The following DLG1 variants were observed in gnomAD, a reference collection of about 807,000 sequenced individuals.
The protein encoded by DLG1 is discs large MAGUK scaffold protein 1, also known as disks large homolog 1.
DLG1 carries 42 observed loss-of-function variants against 123.4 expected under a neutral mutation model. The observed-to-expected ratio is 0.34, with a 90% CI of 0.27 to 0.44. DLG1 has a LOEUF of 0.44. DLG1 is among the 20% of genes least tolerant of loss of function. The pLI is 1.00. For missense variants in DLG1, 942 were observed against 1,082.6 expected, an observed-to-expected ratio of 0.87 and a Z score of 1.82; for synonymous variants, 317 against 356.2, an observed-to-expected ratio of 0.89 and a Z score of 1.24.
chr3:197,147,585 A>G (rs760389139), intron 6 of DLG1, among the ~76,000 whole-genome samples: 4 of 152,148 alleles, frequency 2.6e-5, no homozygotes, highest in African/African-American at 4.8e-5. Flanking sequence ...AAAACCAAAC[A>G]CAGTATGTTC....
chr3:197,159,298 GA>G, intron 5 of DLG1, among the ~76,000 whole-genome samples: 1 of 152,284 alleles, frequency 6.6e-6, no homozygotes, highest in South Asian at 2.1e-4. Context: ...AAAGTACTCT[GA>G]AAAGTATAAA....
At position 197,159,232 on chromosome 3, in the gene DLG1, G is replaced by A. The variant is rs528900036; in HGVS notation, c.484-9436C>T. 1.4e-3 allele frequency among the ~76,000 whole-genome samples: 209 copies of A among 152,240 alleles called. 2 individuals are homozygous for A. In the Middle Eastern group the frequency reaches 0.068, roughly 50 times the overall value. On this transcript the variant is annotated intron_variant, in intron 5 of 24. Coordinates refer to ENST00000667157, the MANE Select transcript of DLG1 (RefSeq NM_001366207.1). ...TTATCTGTGCCACTCTGTATAATAA[G>A]CATAATTCTGATTTGTAGAAGACTT... is the stretch of plus-strand genomic sequence containing the variant.
At chr3:197,136,037 C>G (rs1334335090) in intron 10 of DLG1, among the ~76,000 whole-genome samples, 1 of 151,988 alleles carries the variant, frequency 6.6e-6, no homozygotes, top group Non-Finnish European at 1.5e-5. Context: ...GTCTTAAACT[C>G]CTGGGCTCAA....
chr3:197,245,083 T>A (rs1048704717), intron 4 of DLG1, among the ~76,000 whole-genome samples: 1 of 152,198 alleles, frequency 6.6e-6, no homozygotes, highest in Non-Finnish European at 1.5e-5. Context: ...ATCGAGTTTT[T>A]AAAACTAATT....
At chr3:197,052,179 A>G (rs67214831) in intron 23 of DLG1, among the ~76,000 whole-genome samples, 50,913 of 151,758 alleles carry the variant, frequency 0.34, 10,052 homozygotes, top group East Asian at 0.72. Context: ...AATAGGCTGG[A>G]CATGGTGGCT....
In DLG1 at chr3:197,066,828, A is replaced by G. The variant is rs1047894480; in HGVS notation, c.2048-74T>C. 1.3e-4 allele frequency: 133 copies of G among 997,322 alleles called. 2 individuals are homozygous for G. The Admixed American group carries it at 1.9e-3, about 14-fold the overall frequency. 61.8% of individuals were successfully genotyped at this position (997,322 alleles called of 1,614,324 possible). ...GCTAATCTAATTCTTCATAAACAAC[A>G]TATACATTACTAGAACTTTCCTGAG... On this transcript the variant is annotated intron_variant, in intron 19 of 24. Transcript: ENST00000667157.
chr3:197,214,188 T>TAAAA (rs756112689), intron 4 of DLG1, among the ~76,000 whole-genome samples: 10 of 150,930 alleles, frequency 6.6e-5, no homozygotes, highest in African/African-American at 2.4e-4. Context: ...TGGCATAACT[T>TAAAA]AAAAAAAAAT....
intron 4 of DLG1, among the ~76,000 whole-genome samples, chr3:197,267,724 G>A (rs1471766579): frequency 6.6e-6 from 1 of 152,072 alleles, no homozygotes; most frequent in African/African-American, 2.4e-5. Flanking sequence ...GATGCATAAT[G>A]CTGAAGTCTT....
intron 5 of DLG1, among the ~76,000 whole-genome samples, chr3:197,159,420 ACCC>A (rs1797870800): frequency 6.6e-6 from 1 of 152,056 alleles, no homozygotes; most frequent in African/African-American, 2.4e-5. Context: ...GGTTGGCGTT[ACCC>A]CCCATTTTAA....
intron 5 of DLG1, among the ~76,000 whole-genome samples, chr3:197,150,645 C>A (rs976491885): frequency 1.3e-5 from 2 of 152,068 alleles, no homozygotes; most frequent in South Asian, 4.1e-4. Flanking sequence ...GATATGCTTA[C>A]ACACATTAAT....
chr3:197,183,409 C>T lies in DLG1; in HGVS notation c.483+11016G>A, dbSNP rs145226192. 9.4e-3 allele frequency among the ~76,000 whole-genome samples: 1,428 copies of T among 151,862 alleles called. 22 individuals carry two copies. The highest frequency in any genetic ancestry group is 0.032 in the African/African-American group (1,345 of 41,420). On this transcript the variant is annotated intron_variant, in intron 5 of 24. Transcript: ENST00000667157. The stretch of plus-strand genomic sequence containing the variant: ...AGCATAAGGAAAAATATTTCTTGTT[C>T]CCCCTTTTGTGCTAAAGACCTACAC...
chr3:197,136,846 A>AC (rs1351592488), intron 9 of DLG1, among the ~76,000 whole-genome samples, 168 bp from the exon 10 acceptor site: 4 of 152,272 alleles, frequency 2.6e-5, no homozygotes, highest in Non-Finnish European at 5.9e-5. Context: ...AGGGACACTT[A>AC]GACATACAGC....
At chr3:197,225,720 T>G (rs1329353615) in intron 4 of DLG1, 2 of 152,652 alleles carry the variant, frequency 1.3e-5, no homozygotes, top group East Asian at 3.8e-4. Context: ...TCTTTACTCA[T>G]GTCAGACACA....
At chr3:197,067,149 A>G (rs1740163457) in intron 19 of DLG1, among the ~76,000 whole-genome samples, 1 of 152,098 alleles carries the variant, frequency 6.6e-6, no homozygotes, top group Admixed American at 6.5e-5. Context: ...TATTAAAAAC[A>G]TGCTACTTTT....
chr3:197,103,833 T>C (rs1443803468), intron 14 of DLG1, among the ~76,000 whole-genome samples: 4 of 151,862 alleles, frequency 2.6e-5, no homozygotes, highest in African/African-American at 9.7e-5. Flanking sequence ...TCACATCATC[T>C]TTTCCTTATT....
intron 4 of DLG1, among the ~76,000 whole-genome samples, chr3:197,262,347 C>A (rs1335919859): frequency 6.6e-6 from 1 of 152,218 alleles, no homozygotes; most frequent in African/African-American, 2.4e-5. Flanking sequence ...AGGACTCCAA[C>A]TCTACCAGGA....
At chr3:197,054,382 G>C (rs997579828) in intron 23 of DLG1, among the ~76,000 whole-genome samples, 1 of 152,112 alleles carries the variant, frequency 6.6e-6, no homozygotes, top group East Asian at 1.9e-4. Context: ...TTGACTGCTT[G>C]ATGGTGTCTT....
chr3:197,176,486 G>A (rs1248119018), intron 5 of DLG1, among the ~76,000 whole-genome samples: 1 of 151,832 alleles, frequency 6.6e-6, no homozygotes, highest in Non-Finnish European at 1.5e-5. Context: ...CCTAACCCCT[G>A]GCAACCACTG....
rs78093147 is a variant in DLG1 at position 197,253,065 on chromosome 3, T to C, written c.318+29614A>G. The stretch of plus-strand genomic sequence containing the variant: ...GAGATTTGTCACCTAACTTGATAAA[T>C]TGGACTTCATCAAAATTAAAAGGTT... On this transcript the variant is annotated intron_variant, in intron 4 of 24. Transcript: ENST00000667157. 3.5e-3 allele frequency among the ~76,000 whole-genome samples: 534 copies of C among 152,248 alleles called. 1 individual carries two copies. Among genetic ancestry groups the C allele is most frequent in the Non-Finnish European group, 5.8e-3 (394 of 68,002 alleles).
Sources: allele counts gnomAD v4.1 joint callset (sites outside exome capture counted in the v4.1 genomes callset), GRCh38; gene constraint gnomAD v4.1.1; transcripts MANE v1.5; gene names NCBI Gene and HGNC (gene_info 2026-07-23, HGNC 2026-07-21).